The following ARHGEF18 variants were observed in gnomAD, a reference collection of about 807,000 sequenced individuals.
ARHGEF18 encodes rho guanine nucleotide exchange factor 18.
A neutral mutation model predicts 155.7 loss-of-function variants in ARHGEF18; 93 were observed. The observed-to-expected ratio is 0.60, with a 90% CI of 0.50 to 0.71. ARHGEF18 has a LOEUF of 0.71. Ranked by LOEUF, ARHGEF18 falls within the 30% of genes least tolerant of loss-of-function variation. The pLI is 0.00. For synonymous variants in ARHGEF18, 742 were observed against 753.1 expected (o/e 0.99, Z 0.24); for missense variants, 1,593 against 1,816.1 (o/e 0.88, Z 2.23).
intron 10 of ARHGEF18, among the ~76,000 whole-genome samples, chr19:7,385,823 A>ATCTCTCTCTCTCTCTCTCTCTCTC (rs1288367668): frequency 8.1e-5 from 6 of 73,778 alleles, no homozygotes; most frequent in African/African-American, 3.8e-4. Context: ...GATAGGATCT[A>ATCTCTCTCTCTCTCTCTCTCTCTC]TCTCTCTCTA....
At chr19:7,468,702 G>A in intron 26 of ARHGEF18, 123 bp from the exon 27 acceptor site, 1 of 1,108,350 alleles carries the variant, frequency 9.0e-7, no homozygotes, top group Non-Finnish European at 1.3e-6. Context: ...GCTCCTTCAG[G>A]CTGCACCTGG....
intron 1 of ARHGEF18, among the ~76,000 whole-genome samples, chr19:7,350,253 C>T (rs1184034774): frequency 6.6e-6 from 1 of 152,188 alleles, no homozygotes; most frequent in Admixed American, 6.5e-5. Context: ...AAGGTGGCCC[C>T]AGAACCAGGA....
At chr19:7,422,792 C>T (rs1469798604) in intron 10 of ARHGEF18, among the ~76,000 whole-genome samples, 3 of 144,202 alleles carry the variant, frequency 2.1e-5, no homozygotes, top group African/African-American at 7.6e-5. Context: ...GATCTCGGCT[C>T]ACTGCAGTCT....
intron 10 of ARHGEF18, among the ~76,000 whole-genome samples, chr19:7,393,572 C>T (rs1215435021): frequency 1.3e-5 from 2 of 151,970 alleles, no homozygotes; most frequent in Non-Finnish European, 2.9e-5. Flanking sequence ...TGCTCGACTC[C>T]TGGTTACTGT....
chr19:7,384,575 T>C (rs1469607809), intron 10 of ARHGEF18, among the ~76,000 whole-genome samples: 1 of 152,228 alleles, frequency 6.6e-6, no homozygotes, highest in African/African-American at 2.4e-5. Flanking sequence ...GGGTGGCTGT[T>C]GGTGGCTAGT....
intron 10 of ARHGEF18, among the ~76,000 whole-genome samples, chr19:7,438,339 G>A (rs1320928286): frequency 6.6e-6 from 1 of 151,428 alleles, no homozygotes; most frequent in Non-Finnish European, 1.5e-5. Context: ...GGCCTCAAGC[G>A]ATCCTTCCAC....
chr19:7,477,143 G>C (rs1439099182), downstream of ARHGEF18: 3 of 1,378,708 alleles, frequency 2.2e-6, no homozygotes, highest in Non-Finnish European at 2.8e-6. Flanking sequence ...GGCGGCTTCT[G>C]CTTTGCGGGA....
At chr19:7,386,010 C>G (rs139826025) in intron 10 of ARHGEF18, among the ~76,000 whole-genome samples, 2,353 of 136,054 alleles carry the variant, frequency 0.017, 31 homozygotes, top group Non-Finnish European at 0.028. Flanking sequence ...CTCTCTTTCT[C>G]TCTCTCTCCC....
intron 16 of ARHGEF18, among the ~76,000 whole-genome samples, chr19:7,451,681 G>A (rs894289348): frequency 4.6e-5 from 7 of 151,896 alleles, no homozygotes; most frequent in Admixed American, 1.3e-4. Flanking sequence ...TCTCCAAAGT[G>A]CTGGGATTAC....
intron 10 of ARHGEF18, among the ~76,000 whole-genome samples, chr19:7,412,041 CT>C (rs909533583): frequency 1.0e-3 from 130 of 130,272 alleles, no homozygotes; most frequent in East Asian, 1.2e-3. Flanking sequence ...TTTGGTTTTT[CT>C]TTTTTTTTTT....
chr19:7,426,437 A>C (rs1243612847), intron 10 of ARHGEF18, among the ~76,000 whole-genome samples: 1 of 146,742 alleles, frequency 6.8e-6, no homozygotes, highest in Non-Finnish European at 1.5e-5. Flanking sequence ...CAGTGAGCTG[A>C]GATTGCGCCA....
At chr19:7,418,099 G>A (rs80261774) in intron 10 of ARHGEF18, among the ~76,000 whole-genome samples, 2 of 152,198 alleles carry the variant, frequency 1.3e-5, no homozygotes, top group East Asian at 1.9e-4. Flanking sequence ...TGACTTGGTT[G>A]TTAGTTGAAT....
rs145300154 is a variant in ARHGEF18 at position 7,469,976 on chromosome 19, G to A, written c.3860G>A (p.Arg1287His). ...AAAGATGAGAGCACCTCACGGAACCGCCGCTCGCTGAGCCCTATCCTGCCC... is the reference window on the plus strand; with the variant it reads ...AAAGATGAGAGCACCTCACGGAACCACCGCTCGCTGAGCCCTATCCTGCCC... ...MGKDESTSRN[R>H]RSLSPILPGR... Residue 1287 changes from arginine to histidine, a missense_variant, in exon 28 of 29, where the codon CGC becomes CAC. By Grantham distance (29) the Arg-to-His change is conservative. Coordinates refer to ENST00000668164, the MANE Select transcript of ARHGEF18 (RefSeq NM_001367823.1). 1.8e-5 allele frequency: 29 copies of A among 1,613,044 alleles called. No individual in the cohort carries two copies. Among genetic ancestry groups the A allele is most frequent in the African/African-American group, 5.3e-5 (4 of 74,882 alleles).
chr19:7,459,158 C>A (rs999624140), intron 19 of ARHGEF18, among the ~76,000 whole-genome samples: 1 of 152,194 alleles, frequency 6.6e-6, no homozygotes, highest in Non-Finnish European at 1.5e-5. Context: ...GATTCTGCTG[C>A]CTCAGCCTCC....
chr19:7,358,833 G>T (rs1249783969), intron 1 of ARHGEF18, among the ~76,000 whole-genome samples: 1 of 152,178 alleles, frequency 6.6e-6, no homozygotes, highest in African/African-American at 2.4e-5. Context: ...AAAAGTACAT[G>T]ATGGGCTTAG....
chr19:7,472,522 T>A (rs1402133635), downstream of ARHGEF18: 1 of 163,302 alleles, frequency 6.1e-6, no homozygotes, highest in Non-Finnish European at 1.4e-5. Context: ...ATTTGAGGAT[T>A]TTCTTCTGCC....
intron 12 of ARHGEF18, 56 bp from the exon 13 acceptor site, chr19:7,441,856 G>A (rs1974666722): frequency 1.9e-6 from 3 of 1,613,220 alleles, no homozygotes; most frequent in Non-Finnish European, 2.5e-6. Flanking sequence ...CTACGGGAGG[G>A]AATTGGGGTG....
At chr19:7,434,529 C>T (rs2145739923) in intron 10 of ARHGEF18, among the ~76,000 whole-genome samples, 1 of 152,326 alleles carries the variant, frequency 6.6e-6, no homozygotes, top group East Asian at 1.9e-4. Context: ...GATCGCACCT[C>T]TCAGCAGTGG....
chr19:7,412,470 C>T (rs1218357227), intron 10 of ARHGEF18, among the ~76,000 whole-genome samples: 1 of 150,708 alleles, frequency 6.6e-6, no homozygotes, highest in Non-Finnish European at 1.5e-5. Context: ...AGGCCAGGAA[C>T]GGTGGCTCAG....
Sources: gnomAD v4.1 joint callset for allele counts (sites outside exome capture counted in the v4.1 genomes callset) on GRCh38, gnomAD v4.1.1 for gene constraint, MANE v1.5 for transcripts, NCBI Gene and HGNC (gene_info 2026-07-23, HGNC 2026-07-21) for gene names.